ACTA2: variants seen among roughly 807,000 people sequenced by gnomAD.
The protein encoded by ACTA2 is actin, aortic smooth muscle.
In ACTA2, 12 loss-of-function variants were observed where a neutral mutation model predicts 39.5. That is an observed-to-expected ratio of 0.30 (90% CI 0.19 to 0.49). The LOEUF (loss-of-function observed/expected upper bound fraction) is 0.49. Among genes scored for constraint, ACTA2 ranks in the 20% least tolerant of loss-of-function variants. The pLI, the probability that ACTA2 is intolerant of heterozygous loss-of-function variation, is 0.99. For missense variants in ACTA2, 236 were observed against 498.8 expected, an observed-to-expected ratio of 0.47 and a Z score of 5.02; for synonymous variants, 158 against 180.6, an observed-to-expected ratio of 0.88 and a Z score of 1.00.
At chr10:88,947,115 T>A (rs941083249) in intron 3 of ACTA2, 143 bp downstream of exon 3, 1 of 1,234,434 alleles carries the variant, frequency 8.1e-7, no homozygotes, top group Non-Finnish European at 1.1e-6. Flanking sequence ...CAATGGGTAA[T>A]AACCCAGAAT....
chr10:88,967,221 T>C (rs906016647), intron 1 of ACTA2, among the ~76,000 whole-genome samples: 2 of 152,188 alleles, frequency 1.3e-5, no homozygotes, highest in Non-Finnish European at 2.9e-5. Context: ...CCCAGTTCTT[T>C]AAACCTGATT....
chr10:88,936,018 C>T (rs1365845832), intron 8 of ACTA2, among the ~76,000 whole-genome samples: 1 of 152,202 alleles, frequency 6.6e-6, no homozygotes, highest in Non-Finnish European at 1.5e-5. Flanking sequence ...ACTGGCTAAC[C>T]AGTTTAATCT....
chr10:88,948,431 T>C lies in ACTA2; in HGVS notation c.129+371A>G, dbSNP rs1303314072. On this transcript the variant is annotated intron_variant, in intron 2 of 8. Coordinates refer to ENST00000224784, the MANE Select transcript of ACTA2 (RefSeq NM_001613.4). ...GCTTTCATCTAACATCAGCCCTGTA[T>C]GGTTAAGTGACCTGGACTTTTATTT... The C allele has an allele frequency of 1.1e-5, 3 of 281,790 alleles. No homozygotes were observed. The East Asian group carries it at 2.6e-4, about 24-fold the overall frequency. 17.5% of individuals were successfully genotyped at this position (281,790 alleles called of 1,614,324 possible).
intron 1 of ACTA2, among the ~76,000 whole-genome samples, chr10:88,964,098 GTTTAC>G (rs901945719): frequency 2.2e-4 from 33 of 151,206 alleles, no homozygotes; most frequent in African/African-American, 5.8e-4. Flanking sequence ...ATATATTTTA[GTTTAC>G]TTTAGTTTCA....
chr10:88,956,299 G>C (rs891515306), upstream of ACTA2, among the ~76,000 whole-genome samples: 3 of 152,192 alleles, frequency 2.0e-5, no homozygotes, highest in Non-Finnish European at 4.4e-5. Flanking sequence ...GGAAGCTCTT[G>C]TGGGGGTCTA....
intron 1 of ACTA2, among the ~76,000 whole-genome samples, chr10:88,961,616 G>A (rs1490264053): frequency 6.6e-6 from 1 of 152,188 alleles, no homozygotes; most frequent in Non-Finnish European, 1.5e-5. Flanking sequence ...GAGACCCTCA[G>A]TGTAGAGATC....
chr10:88,989,370 A>C, intron 1 of ACTA2: 1 of 275,004 alleles, frequency 3.6e-6, no homozygotes, highest in Admixed American at 4.3e-5. Flanking sequence ...TGAACTTTTC[A>C]TTTTGGAATA....
chr10:88,949,222 A>T (rs1846007471), intron 1 of ACTA2, among the ~76,000 whole-genome samples: 1 of 152,174 alleles, frequency 6.6e-6, no homozygotes, highest in Non-Finnish European at 1.5e-5. Flanking sequence ...TCTCGTGAGC[A>T]CTTTAAAGGT....
At chr10:88,947,169 T>C in intron 3 of ACTA2, 89 bp downstream of exon 3, 4 of 1,557,588 alleles carry the variant, frequency 2.6e-6, no homozygotes, top group Non-Finnish European at 2.6e-6. Context: ...GTGAGCCAGT[T>C]ATTTCCCCAG....
At chr10:88,968,486 G>A (rs973165931) in intron 1 of ACTA2, among the ~76,000 whole-genome samples, 3 of 152,172 alleles carry the variant, frequency 2.0e-5, no homozygotes, top group East Asian at 1.9e-4. Context: ...TTGGTAACAC[G>A]GGCACTCTGC....
chr10:88,948,277 A>G (rs1282415680), intron 2 of ACTA2: 1 of 162,052 alleles, frequency 6.2e-6, no homozygotes, highest in Non-Finnish European at 1.4e-5. Flanking sequence ...AGGTGAAATT[A>G]CTGAGTTTTT....
chr10:88,979,929 T>C (rs894387232), intron 1 of ACTA2, among the ~76,000 whole-genome samples: 4 of 152,052 alleles, frequency 2.6e-5, no homozygotes, highest in African/African-American at 4.8e-5. Flanking sequence ...TAATAGAAGA[T>C]ATAGTTCTTA....
At chr10:88,943,432 C>G (rs1269020041) in intron 4 of ACTA2, among the ~76,000 whole-genome samples, 2 of 152,204 alleles carry the variant, frequency 1.3e-5, no homozygotes, top group Non-Finnish European at 2.9e-5. Flanking sequence ...GGTCACATAA[C>G]TGATAAGTGG....
At chr10:88,980,759 A>C (rs1048188826) in intron 1 of ACTA2, among the ~76,000 whole-genome samples, 7 of 152,254 alleles carry the variant, frequency 4.6e-5, no homozygotes, top group Non-Finnish European at 8.8e-5. Context: ...ATATAAAGTC[A>C]AGTACAGTTA....
At chr10:88,971,668 T>A (rs535932014) in intron 1 of ACTA2, among the ~76,000 whole-genome samples, 2 of 152,344 alleles carry the variant, frequency 1.3e-5, no homozygotes, top group Admixed American at 1.3e-4. Flanking sequence ...TATCTTTTTG[T>A]AACTAATAGG....
chr10:88,989,805 C>T (rs1425999884), intron 1 of ACTA2, among the ~76,000 whole-genome samples: 1 of 152,090 alleles, frequency 6.6e-6, no homozygotes, highest in Non-Finnish European at 1.5e-5. Context: ...GCTTGGTGGA[C>T]GATGCCAAAG....
At chr10:88,954,497 G>C (rs935711293), upstream of ACTA2, among the ~76,000 whole-genome samples, 1 of 152,100 alleles carries the variant, frequency 6.6e-6, no homozygotes, top group African/African-American at 2.4e-5. Context: ...TTGAGTAGGA[G>C]GGCAATTTGA....
At chr10:88,956,322 T>G (rs560373855), upstream of ACTA2, among the ~76,000 whole-genome samples, 60 of 152,338 alleles carry the variant, frequency 3.9e-4, no homozygotes, top group African/African-American at 1.4e-3. Flanking sequence ...TCTTTGTATT[T>G]TCTAGTCTCT....
At chr10:88,984,836 A>G (rs1424232834) in intron 1 of ACTA2, among the ~76,000 whole-genome samples, 1 of 152,182 alleles carries the variant, frequency 6.6e-6, no homozygotes, top group Non-Finnish European at 1.5e-5. Flanking sequence ...AGACCATGGG[A>G]GGGGAGAGCC....
Sources: allele counts gnomAD v4.1 joint callset (sites outside exome capture counted in the v4.1 genomes callset), GRCh38; gene constraint gnomAD v4.1.1; transcripts MANE v1.5; gene names NCBI Gene and HGNC (gene_info 2026-07-23, HGNC 2026-07-21).